The following GFRA2 variants were observed in gnomAD, a reference collection of about 807,000 sequenced individuals.
GFRA2 encodes GDNF family receptor alpha 2, also known as GDNF family receptor alpha-2.
Under a neutral mutation model 48.3 loss-of-function variants are expected in GFRA2, and 17 were observed. The ratio of observed to expected loss-of-function variants is 0.35; its 90% confidence interval spans 0.24 to 0.53. The LOEUF is 0.53. Ranked by LOEUF, GFRA2 falls within the 20% of genes least tolerant of loss-of-function variation. The pLI is 0.93. For synonymous variants in GFRA2, 305 were observed against 257.2 expected (o/e 1.19, Z -1.78); for missense variants, 660 against 637.3 (o/e 1.04, Z -0.38).
At chr8:21,720,906 C>A (rs1349460835) in intron 4 of GFRA2, among the ~76,000 whole-genome samples, 1 of 151,572 alleles carries the variant, frequency 6.6e-6, no homozygotes, top group South Asian at 2.1e-4. Flanking sequence ...CCATCTTATT[C>A]ATGTTTAAAA....
At chr8:21,740,289 C>CA (rs1293702025) in intron 4 of GFRA2, among the ~76,000 whole-genome samples, 1 of 152,228 alleles carries the variant, frequency 6.6e-6, no homozygotes, top group African/African-American at 2.4e-5. Context: ...TCTCCTCAGC[C>CA]ATGTCTCCAC....
rs1802549411 is a variant in GFRA2 at position 21,702,835 on chromosome 8, G to A, written c.1188C>T (p.Thr396=). The change falls in exon 7 of 9, where the codon ACC becomes ACT. Residue 396 remains threonine (T), a synonymous_variant. Coordinates refer to ENST00000524240, the MANE Select transcript of GFRA2 (RefSeq NM_001495.5). ...DDLSDSTSLG[T]SVITTCTSVQ... ...CAGACGTGCAGGTGGTGATGACACT[G>A]GTCCCCAAGCTGGTACTGTCACTGA... 6.2e-7 allele frequency: 1 copy of A among 1,609,356 alleles called. No homozygotes were observed.
In GFRA2 at chr8:21,693,228, T is replaced by C. The variant is rs370218196; in HGVS notation, c.*50A>G. 9 of 1,557,118 alleles carry C rather than the reference T, an allele frequency of 5.8e-6. No homozygotes were observed. In the African/African-American group the frequency reaches 1.1e-4, roughly 19 times the overall value. On this transcript the variant is annotated 3_prime_UTR_variant, in exon 9 of 9. Coordinates refer to ENST00000524240, the MANE Select transcript of GFRA2 (RefSeq NM_001495.5). ...GTGTGTTTCCATTTCGTCAGGCGGC[T>C]GTTCTTGTCTGCGTAGCTTTCAAAA...
intron 4 of GFRA2, among the ~76,000 whole-genome samples, chr8:21,727,701 G>A (rs933434843): frequency 2.0e-5 from 3 of 152,104 alleles, no homozygotes; most frequent in African/African-American, 7.2e-5. Context: ...GCCCGCAGAC[G>A]GCAGCCTCCC....
Position 21,750,832 on chromosome 8 carries a change from T to C in GFRA2, c.550A>G (p.Ile184Val). ...GTGGGCGAGATCTCGCGGTTGCAGA[T>C]GGAGATGTAGGAGGAGCGCAGCTTC... ...CKKLRSSYISICNREISPTER... is the reference protein window; with the variant it reads ...CKKLRSSYISVCNREISPTER... The change falls in exon 4 of 9, where the codon ATC (isoleucine) becomes GTC (valine). Residue 184 changes from isoleucine (I) to valine (V), a missense_variant. Transcript: ENST00000524240. The surrounding 1 kb of genome is among the most constrained non-coding windows in gnomAD (Gnocchi z 5.7). 6.2e-7 allele frequency: 1 copy of C among 1,613,566 alleles called. No homozygotes were observed. Among genetic ancestry groups the C allele is most frequent in the Non-Finnish European group, 8.5e-7 (1 of 1,179,606 alleles).
rs909476282 is a variant in GFRA2 at position 21,750,059 on chromosome 8, A to T, written c.794+529T>A. ...CTCTATATAATATATGTAAGTATAT[A>T]TATGTGTATATATGTGTGTGTGTGT... is the stretch of plus-strand genomic sequence containing the variant. On this transcript the variant is annotated intron_variant, in intron 4 of 8. Coordinates refer to ENST00000524240, the MANE Select transcript of GFRA2 (RefSeq NM_001495.5). The surrounding 1 kb of genome is among the most constrained non-coding windows in gnomAD (Gnocchi z 5.7). Among the ~76,000 whole-genome samples, 61 of 143,222 alleles carry T rather than the reference A, an allele frequency of 4.3e-4. No homozygotes were observed. The highest frequency in any genetic ancestry group is 1.5e-3 in the African/African-American group (57 of 38,890). The allele number at this position is 143,222 out of a possible 152,430, so 94.0% of individuals were successfully genotyped here. A position where few individuals can be genotyped will look rare whatever the true frequency, so the allele number is the denominator to read the frequency against.
intron 4 of GFRA2, among the ~76,000 whole-genome samples, chr8:21,743,104 G>C (rs1804834840): frequency 6.6e-6 from 1 of 152,164 alleles, no homozygotes; most frequent in East Asian, 1.9e-4. Context: ...GTCACTCGGG[G>C]ACCCTTGGCC....
At chr8:21,772,119 G>A (rs1431538042) in intron 3 of GFRA2, among the ~76,000 whole-genome samples, 9 of 152,122 alleles carry the variant, frequency 5.9e-5, no homozygotes, top group African/African-American at 2.2e-4. Context: ...TGGGACAAAG[G>A]TTGGGAAGCA....
chr8:21,706,292 CA>C, intron 4 of GFRA2: 3 of 621,122 alleles, frequency 4.8e-6, no homozygotes, highest in Non-Finnish European at 9.0e-6. Context: ...CATTGGCTGA[CA>C]AAAAGGACCC....
chr8:21,734,123 G>A (rs1804335463), intron 4 of GFRA2, among the ~76,000 whole-genome samples: 1 of 152,216 alleles, frequency 6.6e-6, no homozygotes. Context: ...AGCGTGCAGT[G>A]GACCGGCCTG....
At position 21,705,912 on chromosome 8, in the gene GFRA2, G is replaced by C. The variant is rs974510001; in HGVS notation, c.904+20C>G. 3 of 1,493,182 alleles carry C rather than the reference G, an allele frequency of 2.0e-6. No individual in the cohort carries two copies. The African/African-American group carries it at 4.2e-5, about 21-fold the overall frequency. 92.5% of individuals were successfully genotyped at this position (1,493,182 alleles called of 1,614,324 possible). The stretch of plus-strand genomic sequence containing the variant: ...GGGCAGCAAGGACCCACAGAGCCCA[G>C]GTGAGCAGGAAGAGCTTACCAATCA... On this transcript the variant is annotated intron_variant, in intron 5 of 8. Coordinates refer to ENST00000524240, the MANE Select transcript of GFRA2 (RefSeq NM_001495.5).
chr8:21,723,087 G>A (rs1175501229), intron 4 of GFRA2, among the ~76,000 whole-genome samples: 2 of 152,162 alleles, frequency 1.3e-5, no homozygotes, highest in African/African-American at 2.4e-5. Flanking sequence ...GGGTGCTTCT[G>A]AGAATTTGAA....
chr8:21,725,187 T>C (rs1267672257), intron 4 of GFRA2, among the ~76,000 whole-genome samples: 1 of 152,222 alleles, frequency 6.6e-6, no homozygotes, highest in East Asian at 1.9e-4. Context: ...CTAATACCAG[T>C]TCATCCCAAG....
intron 1 of GFRA2, among the ~76,000 whole-genome samples, chr8:21,811,547 G>C (rs915632556): frequency 2.0e-5 from 3 of 152,076 alleles, no homozygotes; most frequent in Non-Finnish European, 2.9e-5. Flanking sequence ...TCCACCTAGG[G>C]CACTCGGGTC....
At chr8:21,749,028 T>C (rs1228762098) in intron 4 of GFRA2, among the ~76,000 whole-genome samples, 3 of 152,150 alleles carry the variant, frequency 2.0e-5, no homozygotes, top group Admixed American at 6.5e-5. Flanking sequence ...TCCTGTGCTC[T>C]CTCCTCTGGG....
chr8:21,782,417 G>C (rs1807039090), intron 2 of GFRA2, among the ~76,000 whole-genome samples, 168 bp downstream of exon 2: 1 of 151,666 alleles, frequency 6.6e-6, no homozygotes, highest in African/African-American at 2.4e-5. Context: ...CACCCTCCTA[G>C]GTGGGGCGGC....
chr8:21,738,364 T>C (rs1185106748), intron 4 of GFRA2, among the ~76,000 whole-genome samples: 2 of 151,566 alleles, frequency 1.3e-5, no homozygotes, highest in Admixed American at 1.3e-4. Flanking sequence ...TGAAGGTCTC[T>C]GAGCACGTAC....
At chr8:21,744,125 C>G (rs942175638) in intron 4 of GFRA2, among the ~76,000 whole-genome samples, 5 of 152,168 alleles carry the variant, frequency 3.3e-5, no homozygotes, top group Non-Finnish European at 5.9e-5. Flanking sequence ...TCCCAAGGAG[C>G]CAAGAATCAA....
chr8:21,731,538 G>T (rs193033271), intron 4 of GFRA2, among the ~76,000 whole-genome samples: 1 of 152,190 alleles, frequency 6.6e-6, no homozygotes, highest in Non-Finnish European at 1.5e-5. Flanking sequence ...TCACTCATCT[G>T]GCAGCCTGCC....
Sources: allele counts gnomAD v4.1 joint callset (sites outside exome capture counted in the v4.1 genomes callset), GRCh38; gene constraint gnomAD v4.1.1; non-coding constraint Gnocchi (gnomAD v3.1); transcripts MANE v1.5; gene names NCBI Gene and HGNC (gene_info 2026-07-23, HGNC 2026-07-21).